NPAS3: variants seen among roughly 807,000 people sequenced by gnomAD.
NPAS3 encodes the protein neuronal PAS domain protein 3.
Under a neutral mutation model 73.1 loss-of-function variants are expected in NPAS3, and 14 were observed. The ratio of observed to expected loss-of-function variants is 0.19; its 90% CI spans 0.13 to 0.30. The LOEUF (loss-of-function observed/expected upper bound fraction) is 0.30, where lower values mean the gene tolerates loss of function less well. NPAS3 is among the 10% of genes least tolerant of loss of function. NPAS3 has a pLI of 1.00. For synonymous variants in NPAS3, 620 were observed against 541.5 expected (o/e 1.14, Z -2.01); for missense variants, 1,096 against 1,250.0 (o/e 0.88, Z 1.86).
Position 33,180,411 on chromosome 14 carries a change from G to GT in NPAS3, c.141-34765dup, listed in dbSNP as rs1336947329. ...AAGCATCATTTTACCCGAGATTTGC[G>GT]TTTTTTATTAGCAATGTGGTTAATC... On this transcript the variant is annotated intron_variant, in intron 2 of 11. Transcript: ENST00000356141. Among the ~76,000 whole-genome samples the GT allele has an allele frequency of 5.9e-5, 9 of 152,130 alleles. No homozygotes were observed. The South Asian group carries it at 8.3e-4, about 14-fold the overall frequency.
At chr14:33,018,910 C>A (rs1043026243) in intron 1 of NPAS3, among the ~76,000 whole-genome samples, 1 of 150,960 alleles carries the variant, frequency 6.6e-6, no homozygotes, top group African/African-American at 2.4e-5. Flanking sequence ...GTAGAGAGAT[C>A]TAAGAACACA....
At chr14:33,253,386 C>A (rs1162735769) in intron 3 of NPAS3, among the ~76,000 whole-genome samples, 1 of 152,054 alleles carries the variant, frequency 6.6e-6, no homozygotes, top group Non-Finnish European at 1.5e-5. Context: ...TTAAAACTCT[C>A]ATCTAGTAGA....
intron 2 of NPAS3, among the ~76,000 whole-genome samples, chr14:33,066,191 A>G (rs1026179881): frequency 2.0e-5 from 3 of 152,150 alleles, no homozygotes; most frequent in African/African-American, 7.2e-5. Context: ...GGAGAAATTC[A>G]TCAGGTGTTC....
chr14:33,005,302 A>T (rs1364377478), intron 1 of NPAS3, among the ~76,000 whole-genome samples: 1 of 152,174 alleles, frequency 6.6e-6, no homozygotes, highest in Non-Finnish European at 1.5e-5. Flanking sequence ...AATTTTTTTC[A>T]GCTCTATTAT....
chr14:33,354,164 G>A (rs1594756124), intron 3 of NPAS3, among the ~76,000 whole-genome samples: 1 of 152,098 alleles, frequency 6.6e-6, no homozygotes, highest in East Asian at 1.9e-4. Context: ...GACATCCAAA[G>A]TCACTTTAAA....
intron 4 of NPAS3, among the ~76,000 whole-genome samples, chr14:33,548,035 G>T (rs1202378263): frequency 6.6e-6 from 1 of 152,182 alleles, no homozygotes; most frequent in East Asian, 1.9e-4. Flanking sequence ...GCTCTTAAAA[G>T]AAATCAGGCG....
Position 33,557,348 on chromosome 14 carries a change from C to T in NPAS3, c.469-2773C>T, listed in dbSNP as rs1888041. 6.7e-3 allele frequency among the ~76,000 whole-genome samples: 1,027 copies of T among 152,264 alleles called. 14 individuals are homozygous for T. Among genetic ancestry groups the T allele is most frequent in the African/African-American group, 0.023 (976 of 41,566 alleles). ...GCCAGGTAACCTCCTGTGGAAGTAACTTAAGTAATCTCTTGCCATCCTACT... is the reference window on the plus strand; with the variant it reads ...GCCAGGTAACCTCCTGTGGAAGTAATTTAAGTAATCTCTTGCCATCCTACT... On this transcript the variant is annotated intron_variant, in intron 4 of 11. Transcript: ENST00000356141.
chr14:33,221,208 A>G (rs775966732), intron 3 of NPAS3, among the ~76,000 whole-genome samples: 20 of 152,146 alleles, frequency 1.3e-4, no homozygotes, highest in African/African-American at 2.7e-4. Context: ...AGGGTGAACA[A>G]AAACAAGCAA....
chr14:33,502,969 A>T (rs1451840973), intron 4 of NPAS3, among the ~76,000 whole-genome samples: 3 of 151,710 alleles, frequency 2.0e-5, no homozygotes, highest in Non-Finnish European at 4.4e-5. Context: ...CCACTCACAC[A>T]GCAACTATAC....
chr14:33,050,120 G>A (rs1161098153), intron 1 of NPAS3, among the ~76,000 whole-genome samples: 1 of 152,168 alleles, frequency 6.6e-6, no homozygotes, highest in Non-Finnish European at 1.5e-5. Flanking sequence ...AAAAGTCAAA[G>A]TCAACTCTTC....
At chr14:33,523,824 CCCTGCTACAAAGAACCAGATCAGTG>C (rs565699241) in intron 4 of NPAS3, among the ~76,000 whole-genome samples, 168 of 152,124 alleles carry the variant, frequency 1.1e-3, no homozygotes, top group African/African-American at 3.8e-3. Context: ...CAAAATAAAT[CCCTGCTACAAAGAACCAGATCAGTG>C]CCTGCCATCG....
At chr14:33,439,505 T>C (rs1241923298) in intron 4 of NPAS3, among the ~76,000 whole-genome samples, 1 of 152,224 alleles carries the variant, frequency 6.6e-6, no homozygotes, top group Admixed American at 6.5e-5. Flanking sequence ...CGAGTTTCTA[T>C]TTGGAATTGT....
At chr14:33,731,600 T>C (rs1371249449) in intron 6 of NPAS3, among the ~76,000 whole-genome samples, 17 of 152,212 alleles carry the variant, frequency 1.1e-4, no homozygotes, top group Non-Finnish European at 2.9e-5. Flanking sequence ...TCTGCCTTCT[T>C]TACCGCCTCC....
intron 2 of NPAS3, among the ~76,000 whole-genome samples, chr14:33,070,056 T>C (rs1357279972): frequency 6.6e-6 from 1 of 152,164 alleles, no homozygotes; most frequent in Non-Finnish European, 1.5e-5. Context: ...AAAAGATCAA[T>C]GTTTTCTTAT....
intron 4 of NPAS3, among the ~76,000 whole-genome samples, chr14:33,553,970 G>A (rs1174647342): frequency 6.6e-6 from 1 of 152,148 alleles, no homozygotes; most frequent in Non-Finnish European, 1.5e-5. Context: ...GCATTTTAAT[G>A]AGCGCTATCA....
intron 4 of NPAS3, among the ~76,000 whole-genome samples, chr14:33,532,029 T>G (rs779561986): frequency 6.6e-6 from 1 of 152,206 alleles, no homozygotes; most frequent in Non-Finnish European, 1.5e-5. Context: ...GCATTCAGTC[T>G]TAATTTATCT....
chr14:33,740,691 T>TC (rs2061634242), intron 7 of NPAS3, among the ~76,000 whole-genome samples: 1 of 152,220 alleles, frequency 6.6e-6, no homozygotes, highest in East Asian at 1.9e-4. Flanking sequence ...ACATACTGGG[T>TC]CCATAGTGTT....
intron 4 of NPAS3, among the ~76,000 whole-genome samples, chr14:33,447,410 G>A (rs4981191): frequency 0.2 from 30,786 of 152,114 alleles, 3,745 homozygotes; most frequent in East Asian, 0.58. Flanking sequence ...ATTTGTAGGA[G>A]GTAGGGAGAA....
At chr14:32,939,776 G>C (rs1450608532) in intron 1 of NPAS3, among the ~76,000 whole-genome samples, 2 of 151,950 alleles carry the variant, frequency 1.3e-5, no homozygotes, top group Admixed American at 1.3e-4. Context: ...AGCTGCTCTC[G>C]AGGAAGGGAA....
Sources: gnomAD v4.1 joint callset for allele counts (sites outside exome capture counted in the v4.1 genomes callset) on GRCh38, gnomAD v4.1.1 for gene constraint, MANE v1.5 for transcripts, NCBI Gene and HGNC (gene_info 2026-07-23, HGNC 2026-07-21) for gene names.